The following NXPE2 variants were observed in gnomAD, a reference collection of about 807,000 sequenced individuals.
NXPE2 encodes NXPE family member 2.
A neutral mutation model predicts 34.4 loss-of-function variants in NXPE2; 34 were observed. That is an observed-to-expected ratio of 0.99 (90% CI 0.75 to 1.31). The LOEUF (loss-of-function observed/expected upper bound fraction) is 1.31, where lower values mean the gene tolerates loss of function less well. Among genes scored for constraint, NXPE2 ranks in the 40% most tolerant of loss-of-function variants. The pLI is 0.00. For missense variants in NXPE2, 649 were observed against 672.5 expected, an observed-to-expected ratio of 0.97 and a Z score of 0.39; for synonymous variants, 235 against 231.3, an observed-to-expected ratio of 1.02 and a Z score of -0.15.
chr11:114,602,675 CAT>C, the NXPE2 span, among the ~76,000 whole-genome samples: 2 of 141,004 alleles, frequency 1.4e-5, no homozygotes, highest in African/African-American at 2.6e-5. Flanking sequence ...ATTACAGAAT[CAT>C]ATGTAATAAT....
the NXPE2 span, among the ~76,000 whole-genome samples, chr11:114,587,690 G>A: frequency 6.6e-6 from 1 of 152,172 alleles, no homozygotes; most frequent in Non-Finnish European, 1.5e-5. Flanking sequence ...TGCCCCCACT[G>A]TCTTCCCCTC....
the NXPE2 span, among the ~76,000 whole-genome samples, chr11:114,470,822 G>C: frequency 1.5e-4 from 23 of 152,032 alleles, no homozygotes; most frequent in African/African-American, 5.6e-4. Context: ...GATTGGAGGA[G>C]GTCTATCTAC....
At chr11:114,469,109 CTTTTTTTT>C in the NXPE2 span, among the ~76,000 whole-genome samples, 2 of 88,874 alleles carry the variant, frequency 2.3e-5, no homozygotes, top group African/African-American at 1.0e-4. Flanking sequence ...ACAGTGCTAG[CTTTTTTTT>C]TTTTTTTTTT....
the NXPE2 span, among the ~76,000 whole-genome samples, chr11:114,601,884 T>TATATATATATATTATATATAA: frequency 6.3e-5 from 1 of 15,796 alleles, no homozygotes; most frequent in East Asian, 7.6e-3. Flanking sequence ...TTATATATAA[T>TATATATATATATTATATATAA]TATATATTAT....
chr11:114,534,944 C>T, the NXPE2 span, among the ~76,000 whole-genome samples: 2 of 152,256 alleles, frequency 1.3e-5, no homozygotes, highest in South Asian at 2.1e-4. Context: ...CACTAAGATA[C>T]TCCTAGAGAA....
chr11:114,700,930 A>G (rs1476280470), intron 3 of NXPE2, among the ~76,000 whole-genome samples: 4 of 152,010 alleles, frequency 2.6e-5, no homozygotes, highest in Non-Finnish European at 4.4e-5. Context: ...AATTTCCAGG[A>G]TAGCACAATA....
At chr11:114,717,606 T>C in the NXPE2 span, among the ~76,000 whole-genome samples, 3 of 152,240 alleles carry the variant, frequency 2.0e-5, no homozygotes, top group African/African-American at 7.2e-5. Context: ...AGTGTGTTTT[T>C]ACATTTGCGA....
chr11:114,605,081 A>T, the NXPE2 span, among the ~76,000 whole-genome samples: 4 of 151,140 alleles, frequency 2.6e-5, no homozygotes, highest in Non-Finnish European at 4.4e-5. Context: ...GTGGATAATA[A>T]ATATTGCCTC....
At chr11:114,642,834 G>A in the NXPE2 span, among the ~76,000 whole-genome samples, 4 of 152,096 alleles carry the variant, frequency 2.6e-5, no homozygotes, top group South Asian at 2.1e-4. Flanking sequence ...TTGAGGAATC[G>A]CCACACTGTC....
the NXPE2 span, chr11:114,580,158 A>T: frequency 6.2e-7 from 1 of 1,613,988 alleles, no homozygotes; most frequent in South Asian, 1.1e-5. Flanking sequence ...GAAGTATTCC[A>T]TCCACTGGCG....
chr11:114,626,230 G>C, the NXPE2 span, among the ~76,000 whole-genome samples: 10 of 152,212 alleles, frequency 6.6e-5, no homozygotes, highest in Non-Finnish European at 1.5e-4. Flanking sequence ...GCAGGGCACA[G>C]ACAAACAAAA....
At chr11:114,537,744 A>G in the NXPE2 span, among the ~76,000 whole-genome samples, 1 of 151,520 alleles carries the variant, frequency 6.6e-6, no homozygotes, top group Non-Finnish European at 1.5e-5. Flanking sequence ...GGACCTCTTC[A>G]AGGAGAACTA....
At chr11:114,522,984 A>G in the NXPE2 span, 2 of 1,613,778 alleles carry the variant, frequency 1.2e-6, no homozygotes, top group Non-Finnish European at 1.7e-6. Flanking sequence ...ATTGTGTCTA[A>G]CTGAACCTGG....
chr11:114,602,311 AAT>A, the NXPE2 span, among the ~76,000 whole-genome samples: 16 of 115,720 alleles, frequency 1.4e-4, no homozygotes, highest in Admixed American at 2.3e-4. Flanking sequence ...TACTATATAT[AAT>A]ATATATTATA....
chr11:114,764,144 C>T, the NXPE2 span, among the ~76,000 whole-genome samples: 2 of 152,148 alleles, frequency 1.3e-5, no homozygotes, highest in Non-Finnish European at 2.9e-5. Context: ...CCCTACCTTA[C>T]TGCTTTCCTT....
At chr11:114,801,999 A>C in the NXPE2 span, among the ~76,000 whole-genome samples, 5 of 152,318 alleles carry the variant, frequency 3.3e-5, no homozygotes, top group South Asian at 1.0e-3. Flanking sequence ...AGCCATCAAC[A>C]TAAGTGGTAT....
chr11:114,620,713 C>T, the NXPE2 span, among the ~76,000 whole-genome samples: 8 of 151,534 alleles, frequency 5.3e-5, no homozygotes, highest in Non-Finnish European at 1.2e-4. Context: ...ATAATAAGTA[C>T]TGCCTCTTGG....
chr11:114,636,728 G>T, the NXPE2 span, among the ~76,000 whole-genome samples: 192 of 152,218 alleles, frequency 1.3e-3, 2 homozygotes, highest in African/African-American at 4.4e-3. Context: ...GTACCCAGCA[G>T]TCATTCAGGA....
At chr11:114,739,062 C>G in the NXPE2 span, among the ~76,000 whole-genome samples, 3 of 152,034 alleles carry the variant, frequency 2.0e-5, no homozygotes, top group Non-Finnish European at 4.4e-5. Context: ...CTCTATAATT[C>G]CAAGATAATT....
Sources: gnomAD v4.1 joint callset for allele counts (sites outside exome capture counted in the v4.1 genomes callset) on GRCh38, gnomAD v4.1.1 for gene constraint, MANE v1.5 for transcripts, NCBI Gene and HGNC (gene_info 2026-07-23, HGNC 2026-07-21) for gene names.